Variants in APBB2 observed in about 807,000 individuals in gnomAD.
APBB2 encodes Fe65-like 1.
APBB2 carries 38 observed loss-of-function variants against 82.5 expected under a neutral mutation model. That is an observed-to-expected ratio of 0.46 (90% CI 0.36 to 0.60). The LOEUF is 0.60. Among genes scored for constraint, APBB2 ranks in the 20% least tolerant of loss-of-function variants. APBB2 has a pLI of 0.00. For synonymous variants in APBB2, 341 were observed against 368.2 expected, an observed-to-expected ratio of 0.93 and a Z score of 0.85; for missense variants, 772 against 972.3, an observed-to-expected ratio of 0.79 and a Z score of 2.74.
At chr4:41,045,012 T>G (rs953156059) in intron 4 of APBB2, among the ~76,000 whole-genome samples, 1 of 152,168 alleles carries the variant, frequency 6.6e-6, no homozygotes, top group Admixed American at 6.5e-5. Flanking sequence ...AAATTTTACT[T>G]CTTTCTTCAT....
intron 4 of APBB2, among the ~76,000 whole-genome samples, chr4:41,038,265 T>C (rs1720035977): frequency 6.6e-6 from 1 of 152,054 alleles, no homozygotes. Context: ...CCTCTTGTCA[T>C]TTGATTCAGT....
chr4:41,150,737 TTTTG>T (rs1014926623), intron 1 of APBB2, among the ~76,000 whole-genome samples: 2 of 152,154 alleles, frequency 1.3e-5, no homozygotes, highest in African/African-American at 2.4e-5. Flanking sequence ...CCTCACCGTT[TTTTG>T]TTTGTTTGTT....
chr4:41,140,947 T>C (rs377168609), intron 2 of APBB2, among the ~76,000 whole-genome samples: 20 of 152,306 alleles, frequency 1.3e-4, no homozygotes, highest in African/African-American at 4.6e-4. Flanking sequence ...AATTATTTCA[T>C]TATAGACCAC....
At chr4:41,104,396 G>A (rs1376043677) in intron 2 of APBB2, among the ~76,000 whole-genome samples, 1 of 152,162 alleles carries the variant, frequency 6.6e-6, no homozygotes, top group African/African-American at 2.4e-5. Context: ...GCCAATTTGG[G>A]ACAACTTGGC....
intron 6 of APBB2, among the ~76,000 whole-genome samples, chr4:40,945,877 G>C (rs1436985807): frequency 6.6e-6 from 1 of 152,178 alleles, no homozygotes; most frequent in Non-Finnish European, 1.5e-5. Context: ...CAAAGTGCTG[G>C]GACTACAGGC....
At chr4:41,135,190 A>T (rs1757217740) in intron 2 of APBB2, among the ~76,000 whole-genome samples, 1 of 150,464 alleles carries the variant, frequency 6.6e-6, no homozygotes, top group Non-Finnish European at 1.5e-5. Context: ...AAAAAAAAAA[A>T]ATCACCCTTA....
At chr4:41,091,559 A>C (rs1741712257) in intron 3 of APBB2, among the ~76,000 whole-genome samples, 1 of 152,080 alleles carries the variant, frequency 6.6e-6, no homozygotes, top group Non-Finnish European at 1.5e-5. Context: ...TTGCATCCCT[A>C]CTTCCTTCTT....
intron 3 of APBB2, among the ~76,000 whole-genome samples, chr4:41,066,557 C>T (rs1269435422): frequency 6.6e-6 from 1 of 152,076 alleles, no homozygotes; most frequent in Non-Finnish European, 1.5e-5. Flanking sequence ...CAAGCATGGG[C>T]GTCTAGTCCA....
chr4:40,859,969 T>G (rs989849499), intron 12 of APBB2, among the ~76,000 whole-genome samples: 1 of 152,220 alleles, frequency 6.6e-6, no homozygotes, highest in Non-Finnish European at 1.5e-5. Context: ...TTGGAAGATG[T>G]TCCTGACAGG....
At chr4:40,968,395 G>C (rs1795173547) in intron 6 of APBB2, among the ~76,000 whole-genome samples, 1 of 152,114 alleles carries the variant, frequency 6.6e-6, no homozygotes, top group East Asian at 1.9e-4. Context: ...GGCCTCGCTT[G>C]GATTCAAAAC....
chr4:40,980,609 G>C (rs1014062629), intron 6 of APBB2, among the ~76,000 whole-genome samples: 3 of 152,062 alleles, frequency 2.0e-5, no homozygotes, highest in Admixed American at 6.6e-5. Context: ...GGAAAGTTTG[G>C]GACAGTGTCA....
chr4:41,196,114 C>A lies in APBB2; in HGVS notation c.-417+18291G>T. 4.4e-3 allele frequency among the ~76,000 whole-genome samples: 667 copies of A among 151,844 alleles called. 1 individual carries two copies. Among genetic ancestry groups the A allele is most frequent in the Non-Finnish European group, 6.7e-3 (456 of 67,890 alleles). On this transcript the variant is annotated intron_variant, in intron 1 of 17. Coordinates refer to ENST00000508593, the MANE Select transcript of APBB2 (RefSeq NM_004307.2). Reference sequence around the variant, plus strand: ...GCGGAGCTTGCAGTGAGCCAAGATCCCGCCACTGCACTCCAGCCTGGTCGA... The same window carrying A: ...GCGGAGCTTGCAGTGAGCCAAGATCACGCCACTGCACTCCAGCCTGGTCGA...
intron 1 of APBB2, among the ~76,000 whole-genome samples, chr4:41,145,988 G>A (rs942092005): frequency 6.6e-6 from 1 of 151,946 alleles, no homozygotes; most frequent in Non-Finnish European, 1.5e-5. Flanking sequence ...CCAGGAGTTC[G>A]AGACCAGCCT....
intron 2 of APBB2, among the ~76,000 whole-genome samples, chr4:41,134,101 G>C (rs1268835978): frequency 6.6e-6 from 1 of 152,084 alleles, no homozygotes; most frequent in Non-Finnish European, 1.5e-5. Context: ...CTCTTGAGTA[G>C]CTAGGTTTAT....
intron 6 of APBB2, among the ~76,000 whole-genome samples, chr4:40,960,324 T>C (rs1792760933): frequency 6.6e-6 from 1 of 152,022 alleles, no homozygotes; most frequent in Non-Finnish European, 1.5e-5. Context: ...TATAAATATA[T>C]TTCAGTCAAT....
At chr4:41,028,277 T>C (rs1715298617) in intron 5 of APBB2, among the ~76,000 whole-genome samples, 1 of 152,244 alleles carries the variant, frequency 6.6e-6, no homozygotes, top group South Asian at 2.1e-4. Flanking sequence ...CCCATGTGTT[T>C]CAGGCAGAGA....
chr4:41,025,078 A>C (rs1463436739), intron 5 of APBB2, among the ~76,000 whole-genome samples: 2 of 152,158 alleles, frequency 1.3e-5, no homozygotes, highest in East Asian at 1.9e-4. Flanking sequence ...TTTGGATGTT[A>C]ATCCGCTGGG....
intron 1 of APBB2, among the ~76,000 whole-genome samples, chr4:41,153,124 T>A (rs1455701597): frequency 6.6e-6 from 1 of 152,238 alleles, no homozygotes; most frequent in African/African-American, 2.4e-5. Flanking sequence ...AGATTAGGGA[T>A]GTTCAACCTG....
intron 1 of APBB2, among the ~76,000 whole-genome samples, chr4:41,158,385 G>A (rs558285923): frequency 2.0e-5 from 3 of 152,234 alleles, no homozygotes; most frequent in Non-Finnish European, 4.4e-5. Flanking sequence ...ATGCCCAAAC[G>A]GAATCATATT....
Sources: gnomAD v4.1 joint callset for allele counts (sites outside exome capture counted in the v4.1 genomes callset) on GRCh38, gnomAD v4.1.1 for gene constraint, MANE v1.5 for transcripts, NCBI Gene and HGNC (gene_info 2026-07-23, HGNC 2026-07-21) for gene names.